The following NRXN3 variants were observed in gnomAD, a reference collection of about 807,000 sequenced individuals.
The protein encoded by NRXN3 is neurexin III.
A neutral mutation model predicts 137.6 loss-of-function variants in NRXN3; 32 were observed. The ratio of observed to expected loss-of-function variants is 0.23; its 90% CI spans 0.18 to 0.31. The LOEUF (loss-of-function observed/expected upper bound fraction) is 0.31, where lower values mean the gene tolerates loss of function less well. NRXN3 is among the 10% of genes least tolerant of loss of function. The pLI is 1.00. For synonymous variants in NRXN3, 798 were observed against 784.5 expected (o/e 1.02, Z -0.29); for missense variants, 1,574 against 2,062.5 (o/e 0.76, Z 4.59).
At position 79,008,115 on chromosome 14, in the gene NRXN3, T is replaced by TG. The variant is rs910875878; in HGVS notation, c.3262+19981dup. 2.6e-5 allele frequency among the ~76,000 whole-genome samples: 4 copies of TG among 152,198 alleles called. No individual in the cohort carries two copies. The South Asian group carries it at 6.2e-4, about 24-fold the overall frequency. ...CATAAGAAGGGGTTATTCGGTATTT[T>TG]GGGGGGGCTTAAGATAAAAGCTATC... On this transcript the variant is annotated intron_variant, in intron 15 of 20. Transcript: ENST00000335750.
At chr14:78,517,197 T>A (rs1251727335) in intron 4 of NRXN3, among the ~76,000 whole-genome samples, 1 of 152,192 alleles carries the variant, frequency 6.6e-6, no homozygotes, top group Non-Finnish European at 1.5e-5. Context: ...TAGAAATGTA[T>A]AAATCAGTGT....
chr14:78,452,244 G>C (rs2094569997), intron 4 of NRXN3, among the ~76,000 whole-genome samples: 1 of 152,190 alleles, frequency 6.6e-6, no homozygotes, highest in Non-Finnish European at 1.5e-5. Context: ...CCAGTCACTA[G>C]TAGTGTGCCC....
chr14:79,412,652 C>T (rs183878845), intron 15 of NRXN3, among the ~76,000 whole-genome samples: 11 of 151,244 alleles, frequency 7.3e-5, no homozygotes, highest in African/African-American at 2.7e-4. Flanking sequence ...GGGTGGTGAC[C>T]TGTAATCCCA....
At chr14:79,606,716 A>T (rs1567643800) in intron 16 of NRXN3, among the ~76,000 whole-genome samples, 3 of 152,228 alleles carry the variant, frequency 2.0e-5, no homozygotes, top group Admixed American at 6.5e-5. Context: ...GTGCCATAGA[A>T]TATTCTGATT....
At chr14:79,656,948 CGTT>C (rs932633963) in intron 16 of NRXN3, among the ~76,000 whole-genome samples, 3 of 152,084 alleles carry the variant, frequency 2.0e-5, no homozygotes, top group Non-Finnish European at 2.9e-5. Flanking sequence ...GGGAGACAGT[CGTT>C]GTAAATAGAG....
At chr14:79,375,426 T>C (rs1457406979) in intron 15 of NRXN3, among the ~76,000 whole-genome samples, 1 of 151,832 alleles carries the variant, frequency 6.6e-6, no homozygotes, top group Non-Finnish European at 1.5e-5. Context: ...TCATGCACTG[T>C]CTGGGGCACT....
intron 16 of NRXN3, among the ~76,000 whole-genome samples, chr14:79,606,761 G>A (rs190897391): frequency 1.8e-4 from 28 of 152,242 alleles, no homozygotes; most frequent in African/African-American, 5.8e-4. Flanking sequence ...CCAGAGTCAC[G>A]GTTTTCAAGG....
chr14:78,468,731 G>A (rs1356107140), intron 4 of NRXN3, among the ~76,000 whole-genome samples: 1 of 152,154 alleles, frequency 6.6e-6, no homozygotes, highest in Non-Finnish European at 1.5e-5. Context: ...AGAATTGGAG[G>A]CACTTTTGCA....
At chr14:78,542,250 C>T (rs1232471503) in intron 4 of NRXN3, among the ~76,000 whole-genome samples, 1 of 152,232 alleles carries the variant, frequency 6.6e-6, no homozygotes, top group Non-Finnish European at 1.5e-5. Flanking sequence ...TTGTCTGCTG[C>T]CTTTTCTTCA....
rs142412846 is a variant in NRXN3 at position 78,495,483 on chromosome 14, G to A, written c.758-149637G>A. Among the ~76,000 whole-genome samples, 301 of 152,260 alleles carry A rather than the reference G, an allele frequency of 2.0e-3. 1 individual carries two copies. Among genetic ancestry groups the A allele is most frequent in the Non-Finnish European group, 3.4e-3 (231 of 68,012 alleles). ...GTAGCATTGGTTGAACACACACTATGTGCCAGGCTTTACACTAATTTGCTT... is the reference window on the plus strand; with the variant it reads ...GTAGCATTGGTTGAACACACACTATATGCCAGGCTTTACACTAATTTGCTT... On this transcript the variant is annotated intron_variant, in intron 4 of 20. Coordinates refer to ENST00000335750, the MANE Select transcript of NRXN3 (RefSeq NM_001330195.2).
At chr14:79,812,915 T>G (rs1024539628) in intron 20 of NRXN3, among the ~76,000 whole-genome samples, 1 of 152,202 alleles carries the variant, frequency 6.6e-6, no homozygotes, top group African/African-American at 2.4e-5. Context: ...GGATTGGGTT[T>G]TAAAAGAGAA....
At chr14:78,674,235 G>A (rs1035392461) in intron 6 of NRXN3, among the ~76,000 whole-genome samples, 1 of 152,192 alleles carries the variant, frequency 6.6e-6, no homozygotes, top group African/African-American at 2.4e-5. Flanking sequence ...GCTGGCCTGA[G>A]ATAATCAAAG....
intron 16 of NRXN3, among the ~76,000 whole-genome samples, chr14:79,468,073 A>G (rs560833798): frequency 6.6e-6 from 1 of 152,366 alleles, no homozygotes; most frequent in African/African-American, 2.4e-5. Context: ...AAAGGGAAAC[A>G]GAACAGTGAT....
At chr14:78,695,240 G>A (rs1371142409) in intron 6 of NRXN3, 3 of 151,896 alleles carry the variant, frequency 2.0e-5, no homozygotes, top group African/African-American at 4.8e-5. Flanking sequence ...GAGAATACAG[G>A]ATAGTCTCAC....
At chr14:78,190,473 C>T (rs550195589) in intron 1 of NRXN3, among the ~76,000 whole-genome samples, 6 of 152,190 alleles carry the variant, frequency 3.9e-5, no homozygotes, top group South Asian at 2.1e-4. Flanking sequence ...GATTTCTTCT[C>T]GGGAGAGGAT....
At chr14:79,789,383 T>C (rs200269804) in intron 19 of NRXN3, among the ~76,000 whole-genome samples, 2 of 152,106 alleles carry the variant, frequency 1.3e-5, no homozygotes, top group East Asian at 3.9e-4. Context: ...AGGTCCCGAC[T>C]TAGACCCCAA....
intron 6 of NRXN3, among the ~76,000 whole-genome samples, chr14:78,682,545 C>T (rs61976159): frequency 6.6e-6 from 1 of 151,966 alleles, no homozygotes; most frequent in African/African-American, 2.4e-5. Flanking sequence ...CTCAGTGCTA[C>T]AGCCTCAGGG....
intron 15 of NRXN3, among the ~76,000 whole-genome samples, chr14:79,292,530 G>C (rs996020634): frequency 6.6e-6 from 1 of 152,224 alleles, no homozygotes. Flanking sequence ...GCTTTCAAAA[G>C]TGTGGCATTC....
chr14:79,831,191 T>C (rs894423424), intron 20 of NRXN3, among the ~76,000 whole-genome samples: 1 of 152,210 alleles, frequency 6.6e-6, no homozygotes, highest in Admixed American at 6.5e-5. Context: ...AGCTGTGTCA[T>C]TTTGTTCAAA....
Sources: gnomAD v4.1 joint callset for allele counts (sites outside exome capture counted in the v4.1 genomes callset) on GRCh38, gnomAD v4.1.1 for gene constraint, MANE v1.5 for transcripts, NCBI Gene and HGNC (gene_info 2026-07-23, HGNC 2026-07-21) for gene names.